The following WWOX variants were observed in gnomAD, a reference collection of about 807,000 sequenced individuals.
WWOX encodes WW domain containing oxidoreductase.
WWOX carries 69 observed loss-of-function variants against 46.2 expected under a neutral mutation model. That is an observed-to-expected ratio of 1.49 (90% confidence interval 1.23 to 1.82). WWOX has a LOEUF of 1.82. Among genes scored for constraint, WWOX ranks in the 40% most tolerant of loss-of-function variants. The probability of loss-of-function intolerance (pLI) is 0.00; values close to 1 mark genes in which losing one functional copy is unlikely to be tolerated. For missense variants in WWOX, 919 were observed against 542.6 expected (o/e 1.69, Z -6.89); for synonymous variants, 359 against 202.6 (o/e 1.77, Z -6.56).
At chr16:78,334,833 TACACACACACAC>T (rs907694061) in intron 5 of WWOX, among the ~76,000 whole-genome samples, 3 of 104,454 alleles carry the variant, frequency 2.9e-5, no homozygotes, top group Non-Finnish European at 5.6e-5. Flanking sequence ...CACACACACA[TACACACACACAC>T]ACACACACAC....
intron 8 of WWOX, among the ~76,000 whole-genome samples, chr16:78,697,473 C>T (rs2048125395): frequency 6.6e-6 from 1 of 152,116 alleles, no homozygotes; most frequent in Non-Finnish European, 1.5e-5. Flanking sequence ...AGACAACCCG[C>T]AGAGTGGGAG....
intron 4 of WWOX, among the ~76,000 whole-genome samples, chr16:78,139,213 T>G (rs577520571): frequency 2.6e-5 from 4 of 152,166 alleles, no homozygotes; most frequent in South Asian, 2.1e-4. Context: ...AGGAGAGAGA[T>G]AATCCTAGCT....
At chr16:78,434,087 C>T (rs2083284855) in intron 8 of WWOX, among the ~76,000 whole-genome samples, 1 of 152,102 alleles carries the variant, frequency 6.6e-6, no homozygotes. Context: ...CCGCGCCCGG[C>T]CTGGGGATGA....
chr16:78,938,995 C>G (rs1052991474), intron 8 of WWOX, among the ~76,000 whole-genome samples: 1 of 152,104 alleles, frequency 6.6e-6, no homozygotes, highest in Non-Finnish European at 1.5e-5. Context: ...AGATTGAAAT[C>G]TGATGTGGAT....
intron 8 of WWOX, among the ~76,000 whole-genome samples, chr16:78,556,940 A>C (rs1302058301): frequency 1.3e-5 from 2 of 152,036 alleles, no homozygotes; most frequent in Non-Finnish European, 2.9e-5. Context: ...GCTGGTCTTG[A>C]ACTCTTGACC....
intron 4 of WWOX, among the ~76,000 whole-genome samples, chr16:78,120,387 G>A (rs1223199283): frequency 2.0e-5 from 3 of 152,026 alleles, no homozygotes; most frequent in Non-Finnish European, 4.4e-5. Flanking sequence ...TGGCTAACAA[G>A]GTGAAACCCC....
intron 8 of WWOX, among the ~76,000 whole-genome samples, chr16:78,490,770 C>T (rs778706116): frequency 3.3e-5 from 5 of 152,186 alleles, no homozygotes; most frequent in Non-Finnish European, 5.9e-5. Flanking sequence ...ACCAAGCACC[C>T]CTTACCCAGC....
intron 8 of WWOX, among the ~76,000 whole-genome samples, chr16:78,718,496 G>A (rs1240102008): frequency 1.3e-5 from 2 of 152,104 alleles, no homozygotes; most frequent in Non-Finnish European, 2.9e-5. Flanking sequence ...TAGAACACAT[G>A]ATGTTCAATA....
intron 8 of WWOX, among the ~76,000 whole-genome samples, chr16:78,867,303 T>G (rs1220439238): frequency 6.6e-6 from 1 of 152,216 alleles, no homozygotes; most frequent in Non-Finnish European, 1.5e-5. Flanking sequence ...CCGTCTATTT[T>G]CATATCCCTT....
At chr16:78,734,239 G>T (rs1245088203) in intron 8 of WWOX, among the ~76,000 whole-genome samples, 2 of 151,888 alleles carry the variant, frequency 1.3e-5, no homozygotes, top group African/African-American at 2.4e-5. Flanking sequence ...GAGACTCTTG[G>T]TTTTTTTTAT....
At chr16:78,781,640 G>C (rs1035318853) in intron 8 of WWOX, among the ~76,000 whole-genome samples, 1 of 152,078 alleles carries the variant, frequency 6.6e-6, no homozygotes, top group Non-Finnish European at 1.5e-5. Flanking sequence ...ATGAATATTG[G>C]GCCGGGCTTG....
At chr16:79,105,254 T>A (rs994462315) in intron 8 of WWOX, among the ~76,000 whole-genome samples, 1 of 152,172 alleles carries the variant, frequency 6.6e-6, no homozygotes. Flanking sequence ...TTCAAAGGAA[T>A]TTTTTTATTT....
intron 8 of WWOX, among the ~76,000 whole-genome samples, chr16:79,131,868 G>A (rs548786926): frequency 6.6e-6 from 1 of 152,282 alleles, no homozygotes; most frequent in Non-Finnish European, 1.5e-5. Context: ...AGGCAAGGAG[G>A]AGCAAGTCAC....
intron 8 of WWOX, among the ~76,000 whole-genome samples, chr16:78,791,081 C>T (rs963369703): frequency 3.3e-5 from 5 of 150,114 alleles, no homozygotes; most frequent in East Asian, 2.0e-4. Flanking sequence ...TCATCAGAAG[C>T]CTCCACACAG....
chr16:78,839,574 T>A (rs138032777), intron 8 of WWOX, among the ~76,000 whole-genome samples: 47 of 152,342 alleles, frequency 3.1e-4, no homozygotes, highest in Middle Eastern at 3.4e-3. Context: ...TACTTATGTC[T>A]ATGAAATGAA....
intron 8 of WWOX, among the ~76,000 whole-genome samples, chr16:78,831,807 A>T (rs545946789): frequency 1.3e-5 from 2 of 152,364 alleles, no homozygotes; most frequent in African/African-American, 4.8e-5. Flanking sequence ...ATCTATCTGT[A>T]GCACTGCATG....
At chr16:78,805,848 A>T (rs1291802047) in intron 8 of WWOX, among the ~76,000 whole-genome samples, 4 of 152,220 alleles carry the variant, frequency 2.6e-5, no homozygotes, top group Admixed American at 2.6e-4. Context: ...AGATCTGCGA[A>T]TATAGAAAGA....
chr16:78,628,735 A>C (rs1407251804), intron 8 of WWOX, among the ~76,000 whole-genome samples: 2 of 152,130 alleles, frequency 1.3e-5, no homozygotes, highest in African/African-American at 2.4e-5. Flanking sequence ...ATTCAGGGTT[A>C]ATTTCTTGCT....
At chr16:78,815,970 C>G (rs988596535) in intron 8 of WWOX, among the ~76,000 whole-genome samples, 1 of 152,170 alleles carries the variant, frequency 6.6e-6, no homozygotes, top group Non-Finnish European at 1.5e-5. Flanking sequence ...TCCTGGGTGA[C>G]CTTGTGTGTC....
Sources: gnomAD v4.1 joint callset for allele counts (sites outside exome capture counted in the v4.1 genomes callset) on GRCh38, gnomAD v4.1.1 for gene constraint, MANE v1.5 for transcripts, NCBI Gene and HGNC (gene_info 2026-07-23, HGNC 2026-07-21) for gene names.